CTNNA2: variants seen among roughly 807,000 people sequenced by gnomAD.
CTNNA2 encodes catenin alpha 2, also known as catenin alpha-2.
CTNNA2 carries 42 observed loss-of-function variants against 101.0 expected under a neutral mutation model. That is an observed-to-expected ratio of 0.42 (90% CI 0.32 to 0.54). The LOEUF is 0.54. Among genes scored for constraint, CTNNA2 ranks in the 20% least tolerant of loss-of-function variants. The probability of loss-of-function intolerance (pLI) is 0.14; values close to 1 mark genes in which losing one functional copy is unlikely to be tolerated. For synonymous variants in CTNNA2, 450 were observed against 456.4 expected (o/e 0.99, Z 0.18); for missense variants, 871 against 1,223.1 (o/e 0.71, Z 4.29).
intron 6 of CTNNA2, among the ~76,000 whole-genome samples, chr2:79,898,477 C>T (rs1039742191): frequency 6.6e-6 from 1 of 152,050 alleles, no homozygotes; most frequent in Non-Finnish European, 1.5e-5. Flanking sequence ...ACATAGGTTC[C>T]CAAGAGAACA....
At chr2:79,971,447 T>C (rs373750475) in intron 7 of CTNNA2, among the ~76,000 whole-genome samples, 1 of 152,128 alleles carries the variant, frequency 6.6e-6, no homozygotes, top group Non-Finnish European at 1.5e-5. Context: ...CGATAAAGAA[T>C]ATGAACGCTA....
At chr2:79,960,205 T>C (rs1441578068) in intron 7 of CTNNA2, among the ~76,000 whole-genome samples, 6 of 152,176 alleles carry the variant, frequency 3.9e-5, no homozygotes, top group African/African-American at 9.7e-5. Context: ...CTCTTGAAGG[T>C]TGGGGAAAGA....
chr2:80,093,456 A>G (rs764098425), intron 7 of CTNNA2, among the ~76,000 whole-genome samples: 4 of 152,304 alleles, frequency 2.6e-5, no homozygotes, highest in African/African-American at 4.8e-5. Context: ...ATAGTGCCGC[A>G]ATAAACATAC....
chr2:79,877,535 G>GT (rs1000167190), intron 6 of CTNNA2, among the ~76,000 whole-genome samples: 12 of 151,818 alleles, frequency 7.9e-5, no homozygotes, highest in Admixed American at 2.0e-4. Context: ...GATGAATACT[G>GT]TTTTTTTAAA....
At chr2:79,804,524 T>C (rs950812824) in intron 3 of CTNNA2, among the ~76,000 whole-genome samples, 1 of 152,218 alleles carries the variant, frequency 6.6e-6, no homozygotes, top group African/African-American at 2.4e-5. Context: ...TTTTCTGTGA[T>C]GCAAAATTGA....
intron 7 of CTNNA2, among the ~76,000 whole-genome samples, chr2:80,192,580 G>A (rs1464822178): frequency 2.0e-5 from 3 of 152,006 alleles, no homozygotes; most frequent in African/African-American, 7.2e-5. Context: ...AGGCTAGAGT[G>A]TAAGGGCACA....
At chr2:80,010,504 C>T (rs932144210) in intron 7 of CTNNA2, among the ~76,000 whole-genome samples, 1 of 152,074 alleles carries the variant, frequency 6.6e-6, no homozygotes, top group African/African-American at 2.4e-5. Flanking sequence ...GGGTCTTCCT[C>T]TGTTGCCAGG....
At chr2:79,694,210 A>T (rs903954011) in intron 2 of CTNNA2, among the ~76,000 whole-genome samples, 6 of 151,986 alleles carry the variant, frequency 3.9e-5, no homozygotes, top group African/African-American at 7.2e-5. Flanking sequence ...TAAGGGAGAC[A>T]TTTAATGGCT....
At chr2:79,718,483 T>C (rs1366797418) in intron 2 of CTNNA2, among the ~76,000 whole-genome samples, 1 of 152,218 alleles carries the variant, frequency 6.6e-6, no homozygotes, top group Non-Finnish European at 1.5e-5. Context: ...TATTCCACTT[T>C]AGAATTCTTG....
chr2:79,224,681 C>T (rs1213699743), intron 2 of CTNNA2, among the ~76,000 whole-genome samples: 2 of 151,970 alleles, frequency 1.3e-5, no homozygotes, highest in African/African-American at 4.8e-5. Context: ...CAAGCCAAAT[C>T]CTTGTCAAGA....
chr2:79,383,496 G>A (rs1344703116), intron 4 of CTNNA2, among the ~76,000 whole-genome samples: 3 of 152,126 alleles, frequency 2.0e-5, no homozygotes, highest in Admixed American at 2.0e-4. Flanking sequence ...TGCTGTTAGA[G>A]GGCTTTGGTG....
chr2:79,755,267 G>T (rs1171015971), intron 3 of CTNNA2, among the ~76,000 whole-genome samples: 3 of 152,182 alleles, frequency 2.0e-5, no homozygotes, highest in Admixed American at 6.5e-5. Context: ...GGAGTTTGAG[G>T]CTACATTGAG....
chr2:80,412,697 G>A (rs930831838), intron 8 of CTNNA2, among the ~76,000 whole-genome samples: 7 of 151,748 alleles, frequency 4.6e-5, no homozygotes, highest in Admixed American at 1.3e-4. Context: ...GGTCTGAGGC[G>A]GTCATCTTAG....
At chr2:80,644,637 G>A (rs776774850) in intron 18 of CTNNA2, among the ~76,000 whole-genome samples, 1 of 152,102 alleles carries the variant, frequency 6.6e-6, no homozygotes, top group South Asian at 2.1e-4. Context: ...ACAGAAAAGG[G>A]CAAAATGTAA....
chr2:80,638,154 C>T (rs534634328), intron 18 of CTNNA2, among the ~76,000 whole-genome samples: 33 of 152,250 alleles, frequency 2.2e-4, no homozygotes, highest in Non-Finnish European at 4.3e-4. Context: ...GCTGGCTCTC[C>T]TATCGGTAAG....
intron 3 of CTNNA2, among the ~76,000 whole-genome samples, chr2:79,774,732 A>G (rs1673837772): frequency 6.6e-6 from 1 of 152,146 alleles, no homozygotes; most frequent in South Asian, 2.1e-4. Flanking sequence ...ATTTTTTGAA[A>G]TGAGCCCCCA....
At chr2:79,321,097 T>C (rs1380914855) in intron 3 of CTNNA2, among the ~76,000 whole-genome samples, 1 of 152,234 alleles carries the variant, frequency 6.6e-6, no homozygotes, top group African/African-American at 2.4e-5. Flanking sequence ...TACTTACTAT[T>C]ATATTTTCCA....
At chr2:79,481,262 T>C (rs1434074152) in intron 4 of CTNNA2, among the ~76,000 whole-genome samples, 1 of 152,122 alleles carries the variant, frequency 6.6e-6, no homozygotes, top group African/African-American at 2.4e-5. Context: ...TCTAGCAAAA[T>C]ACATTCTAAA....
chr2:80,062,702 C>CTTTTTTTTTTTTTTTTTTTTTTTTTT, intron 7 of CTNNA2, among the ~76,000 whole-genome samples: 1 of 117,508 alleles, frequency 8.5e-6, no homozygotes, highest in Non-Finnish European at 1.7e-5. Flanking sequence ...GCACTGTGAT[C>CTTTTTTTTTTTTTTTTTTTTTTTTTT]TTTTTTTTTT....
Sources: gnomAD v4.1 joint callset for allele counts (sites outside exome capture counted in the v4.1 genomes callset) on GRCh38, gnomAD v4.1.1 for gene constraint, MANE v1.5 for transcripts, NCBI Gene and HGNC (gene_info 2026-07-23, HGNC 2026-07-21) for gene names.